The following NUMB variants were observed in gnomAD, a reference collection of about 807,000 sequenced individuals.
The protein encoded by NUMB is NUMB endocytic adaptor protein, also known as protein numb homolog.
Under a neutral mutation model 59.7 loss-of-function variants are expected in NUMB, and 29 were observed. The observed-to-expected ratio is 0.49, with a 90% confidence interval of 0.36 to 0.66. The LOEUF is 0.66. Ranked by LOEUF, NUMB falls within the 30% of genes least tolerant of loss-of-function variation. The pLI, the probability that NUMB is intolerant of heterozygous loss-of-function variation, is 0.00. For synonymous variants in NUMB, 288 were observed against 288.2 expected (o/e 1.00, Z 0.01); for missense variants, 723 against 822.0 (o/e 0.88, Z 1.47).
At chr14:73,289,716 T>C (rs1889265456) in intron 8 of NUMB, among the ~76,000 whole-genome samples, 1 of 152,248 alleles carries the variant, frequency 6.6e-6, no homozygotes, top group African/African-American at 2.4e-5. Flanking sequence ...ACTGATAGAA[T>C]TACTCTATGA....
intron 1 of NUMB, among the ~76,000 whole-genome samples, chr14:73,426,715 C>T (rs1008071628): frequency 1.3e-5 from 2 of 152,072 alleles, no homozygotes; most frequent in African/African-American, 2.4e-5. Flanking sequence ...GGCGTGGTGG[C>T]GGGCACCTGT....
intron 2 of NUMB, among the ~76,000 whole-genome samples, chr14:73,392,063 A>T (rs1320107839): frequency 6.6e-6 from 1 of 152,194 alleles, no homozygotes; most frequent in Non-Finnish European, 1.5e-5. Flanking sequence ...ATGATGGGGA[A>T]ATATTACCTT....
chr14:73,307,728 CTTTTTT>C (rs34429117), intron 6 of NUMB, among the ~76,000 whole-genome samples: 4 of 95,506 alleles, frequency 4.2e-5, no homozygotes, highest in Middle Eastern at 6.5e-3. Context: ...GGGCCTCTGT[CTTTTTT>C]TTTTTTTTTT....
chr14:73,362,865 T>G (rs1335817374), intron 3 of NUMB, among the ~76,000 whole-genome samples: 4 of 151,828 alleles, frequency 2.6e-5, no homozygotes, highest in Non-Finnish European at 2.9e-5. Flanking sequence ...AGAGTGATCA[T>G]GGGCTGGGTG....
intron 4 of NUMB, among the ~76,000 whole-genome samples, chr14:73,351,944 C>A (rs1332982096): frequency 6.6e-6 from 1 of 151,328 alleles, no homozygotes; most frequent in East Asian, 1.9e-4. Context: ...CCACTGCACT[C>A]CAGCCTGGGT....
chr14:73,317,905 T>C (rs956079400), intron 5 of NUMB, among the ~76,000 whole-genome samples: 1 of 152,218 alleles, frequency 6.6e-6, no homozygotes. Flanking sequence ...GATAATTGCA[T>C]TGAAATCTGA....
rs752154048 is a variant in NUMB, at chr14:73,445,354, C to CAAAAAAA, written c.-233+13132_-233+13138dup. Among the ~76,000 whole-genome samples the CAAAAAAA allele has an allele frequency of 1.7e-3, 100 of 57,562 alleles. 11 individuals carry two copies. The highest frequency in any genetic ancestry group is 2.4e-3 in the Non-Finnish European group (75 of 30,710). 37.8% of individuals were successfully genotyped at this position (57,562 alleles called of 152,430 possible). A position where few individuals can be genotyped will look rare whatever the true frequency, so the allele number is the denominator to read the frequency against. ...TGAGTGACAAAGTGAGACCCTGTCT[C>CAAAAAAA]AAAAAAAAAAAAAAAAAAAAAAAAA... On this transcript the variant is annotated intron_variant, in intron 1 of 12. Transcript: ENST00000555238.
At chr14:73,286,267 G>A (rs1157556293) in intron 9 of NUMB, 1 of 130,796 alleles carries the variant, frequency 7.6e-6, no homozygotes, top group Admixed American at 9.4e-5. Context: ...CAAACTCCTG[G>A]CCTCAAGTGA....
intron 2 of NUMB, among the ~76,000 whole-genome samples, chr14:73,396,353 T>C (rs1896137468): frequency 1.3e-5 from 2 of 150,092 alleles, no homozygotes; most frequent in African/African-American, 5.0e-5. Flanking sequence ...TGTGTGTGTG[T>C]GTGTGTGTTT....
intron 8 of NUMB, among the ~76,000 whole-genome samples, chr14:73,292,484 AT>A (rs1055482014): frequency 6.6e-6 from 1 of 152,214 alleles, no homozygotes; most frequent in African/African-American, 2.4e-5. Flanking sequence ...AGCAACCACT[AT>A]CACCAGACCA....
chr14:73,441,075 T>C (rs1176392544), intron 1 of NUMB, among the ~76,000 whole-genome samples: 1 of 151,992 alleles, frequency 6.6e-6, no homozygotes, highest in Non-Finnish European at 1.5e-5. Context: ...GGAACTTATA[T>C]CCAGAATATA....
At chr14:73,387,045 TA>T in intron 2 of NUMB, among the ~76,000 whole-genome samples, 1 of 150,846 alleles carries the variant, frequency 6.6e-6, no homozygotes, top group Middle Eastern at 3.4e-3. Context: ...TACGCCCGGC[TA>T]ATTTTTTTTG....
At chr14:73,321,384 T>C (rs1328564065) in intron 5 of NUMB, among the ~76,000 whole-genome samples, 5 of 152,100 alleles carry the variant, frequency 3.3e-5, no homozygotes, top group African/African-American at 9.7e-5. Flanking sequence ...AAAAAAATGT[T>C]CTTAGCTAAA....
intron 4 of NUMB, among the ~76,000 whole-genome samples, chr14:73,347,071 C>A (rs1251023676): frequency 2.6e-5 from 4 of 152,106 alleles, no homozygotes; most frequent in Admixed American, 2.0e-4. Context: ...GTGATCACTG[C>A]AGCCTCTACC....
intron 1 of NUMB, among the ~76,000 whole-genome samples, chr14:73,445,354 CAAAAAAAAAAAAAAAAAAAAAAAAA>C (rs752154048): frequency 0.011 from 625 of 57,580 alleles, 24 homozygotes; most frequent in Middle Eastern, 0.036. Context: ...GACCCTGTCT[CAAAAAAAAAAAAAAAAAAAAAAAAA>C]AAAAAAAAAA....
chr14:73,349,747 C>T (rs1441787165), intron 4 of NUMB, among the ~76,000 whole-genome samples: 1 of 151,920 alleles, frequency 6.6e-6, no homozygotes, highest in Non-Finnish European at 1.5e-5. Context: ...GGCGTGGTGG[C>T]AGGTGCCTGT....
intron 2 of NUMB, among the ~76,000 whole-genome samples, chr14:73,391,876 T>A (rs1895871637): frequency 6.6e-6 from 1 of 152,220 alleles, no homozygotes. Flanking sequence ...AAATACTTTA[T>A]TATAAAATAA....
chr14:73,278,430 G>A (rs140368656), intron 12 of NUMB, among the ~76,000 whole-genome samples: 3,872 of 152,066 alleles, frequency 0.025, 168 homozygotes, highest in African/African-American at 0.088. Context: ...TGAGGCAGGA[G>A]AGTTGCTTGA....
At position 73,291,879 on chromosome 14, in the gene NUMB, T is replaced by C. The variant is rs931237072; in HGVS notation, c.450+855A>G. 3.3e-5 allele frequency among the ~76,000 whole-genome samples: 5 copies of C among 151,274 alleles called. No homozygotes were observed. In the South Asian group the frequency reaches 1.0e-3, roughly 32 times the overall value. ...TTTTGTATTTTTAGTAGAGACGGGGTTTCACCATATTGGCCAGGCTGGTCT... is the reference window on the plus strand; with the variant it reads ...TTTTGTATTTTTAGTAGAGACGGGGCTTCACCATATTGGCCAGGCTGGTCT... On this transcript the variant is annotated intron_variant, in intron 8 of 12. Transcript: ENST00000555238.
Sources: allele counts gnomAD v4.1 joint callset (sites outside exome capture counted in the v4.1 genomes callset), GRCh38; gene constraint gnomAD v4.1.1; transcripts MANE v1.5; gene names NCBI Gene and HGNC (gene_info 2026-07-23, HGNC 2026-07-21).